CEP290: variants seen among roughly 807,000 people sequenced by gnomAD.
CEP290 encodes centrosomal protein of 290 kDa.
CEP290 carries 317 observed loss-of-function variants against 344.9 expected under a neutral mutation model. That is an observed-to-expected ratio of 0.92 (90% CI 0.84 to 1.01). The LOEUF (loss-of-function observed/expected upper bound fraction) is 1.01, where lower values mean the gene tolerates loss of function less well. CEP290 is among the 50% of genes least tolerant of loss of function. The pLI, the probability that CEP290 is intolerant of heterozygous loss-of-function variation, is 0.00. For missense variants in CEP290, 2,754 were observed against 2,761.4 expected, an observed-to-expected ratio of 1.00 and a Z score of 0.06; for synonymous variants, 932 against 895.8, an observed-to-expected ratio of 1.04 and a Z score of -0.72.
chr12:88,083,739 T>C (rs891182619), intron 36 of CEP290, 108 bp downstream of exon 36: 22 of 708,668 alleles, frequency 3.1e-5, no homozygotes, highest in Non-Finnish European at 4.9e-5. Flanking sequence ...GAAGATTATT[T>C]TGGCAACAAA....
At chr12:88,067,792 T>G (rs1051658388) in intron 44 of CEP290, among the ~76,000 whole-genome samples, 11 of 152,220 alleles carry the variant, frequency 7.2e-5, no homozygotes, top group Middle Eastern at 3.2e-3. Context: ...CTGATTTATT[T>G]AACTCAATAG....
intron 36 of CEP290, 94 bp downstream of exon 36, chr12:88,083,753 G>T: frequency 1.3e-6 from 1 of 789,738 alleles, no homozygotes; most frequent in East Asian, 2.7e-5. Context: ...CAACAAAAAG[G>T]GTAACTTCCA....
chr12:88,085,776 T>C (rs1592841631), intron 34 of CEP290, among the ~76,000 whole-genome samples: 1 of 152,132 alleles, frequency 6.6e-6, no homozygotes, highest in South Asian at 2.1e-4. Flanking sequence ...ATATTGCTCA[T>C]AGAACTACAA....
chr12:88,136,559 A>G, intron 6 of CEP290, 84 bp downstream of exon 6: 2 of 1,319,062 alleles, frequency 1.5e-6, no homozygotes, highest in South Asian at 2.5e-5. Flanking sequence ...AACATACAAT[A>G]TAAAAATTGA....
chr12:88,076,071 C>T (rs1408603166), intron 41 of CEP290, among the ~76,000 whole-genome samples: 2 of 152,108 alleles, frequency 1.3e-5, no homozygotes, highest in African/African-American at 4.8e-5. Flanking sequence ...TATAGAAACA[C>T]ACCAGTTAGG....
At chr12:88,065,634 T>C (rs1287013625) in intron 44 of CEP290, among the ~76,000 whole-genome samples, 2 of 152,190 alleles carry the variant, frequency 1.3e-5, no homozygotes, top group African/African-American at 4.8e-5. Flanking sequence ...GTTGTACCTA[T>C]TTGATTCAGC....
At chr12:88,064,474 C>T (rs1218146276) in intron 44 of CEP290, among the ~76,000 whole-genome samples, 3 of 152,080 alleles carry the variant, frequency 2.0e-5, no homozygotes, top group Non-Finnish European at 1.5e-5. Context: ...CTGTGTTCCC[C>T]TTACCCTCCA....
At chr12:88,119,576 A>G (rs561307099) in intron 15 of CEP290, among the ~76,000 whole-genome samples, 2 of 152,286 alleles carry the variant, frequency 1.3e-5, no homozygotes, top group African/African-American at 2.4e-5. Flanking sequence ...AGGCGGGTGG[A>G]TCACTTAAGG....
intron 34 of CEP290, 150 bp downstream of exon 34, chr12:88,085,889 T>G: frequency 1.5e-6 from 1 of 689,652 alleles, no homozygotes; most frequent in Non-Finnish European, 2.3e-6. Context: ...CATTATTGGC[T>G]ATTAGAAACA....
chr12:88,071,166 T>C, intron 43 of CEP290, 128 bp downstream of exon 43: 1 of 750,576 alleles, frequency 1.3e-6, no homozygotes, highest in Non-Finnish European at 2.2e-6. Context: ...GAACCAGGAA[T>C]ATCTCAATTC....
At chr12:88,130,595 A>T in intron 7 of CEP290, 30 bp from the exon 8 acceptor site, 1 of 1,537,666 alleles carries the variant, frequency 6.5e-7, no homozygotes, top group African/African-American at 1.4e-5. Context: ...AACGGTAATT[A>T]GAAATGAGAA....
At chr12:88,094,045 T>C (rs1048480667) in intron 27 of CEP290, 70 bp from the exon 28 acceptor site, 8 of 1,173,098 alleles carry the variant, frequency 6.8e-6, no homozygotes, top group Middle Eastern at 2.7e-4. Flanking sequence ...TTTTAGATGC[T>C]GTATATTAGA....
At chr12:88,109,478 A>G (rs1373264477) in intron 22 of CEP290, among the ~76,000 whole-genome samples, 1 of 152,208 alleles carries the variant, frequency 6.6e-6, no homozygotes, top group Admixed American at 6.5e-5. Context: ...ACCCTCTCTT[A>G]TGAACACATA....
intron 20 of CEP290, among the ~76,000 whole-genome samples, chr12:88,113,937 G>GA (rs1430013273): frequency 1.3e-5 from 2 of 151,984 alleles, no homozygotes; most frequent in African/African-American, 4.8e-5. Flanking sequence ...CAGATTTTGG[G>GA]AAAAAACCCC....
intron 17 of CEP290, among the ~76,000 whole-genome samples, chr12:88,118,063 T>TAATAAC (rs1332267485): frequency 6.6e-6 from 1 of 151,294 alleles, no homozygotes; most frequent in African/African-American, 2.4e-5. Context: ...ATAATAATAA[T>TAATAAC]AATAACTTAC....
chr12:88,063,880 A>C, intron 45 of CEP290, 101 bp downstream of exon 45: 1 of 927,044 alleles, frequency 1.1e-6, no homozygotes, highest in Non-Finnish European at 1.6e-6. Context: ...TATATTAGGA[A>C]TATGCATTTT....
intron 48 of CEP290, among the ~76,000 whole-genome samples, chr12:88,059,444 G>A (rs541974614): frequency 7.2e-5 from 11 of 152,248 alleles, no homozygotes; most frequent in Non-Finnish European, 1.5e-4. Context: ...GTCTCGCTCT[G>A]TTGCCCAGGC....
intron 28 of CEP290, among the ~76,000 whole-genome samples, 190 bp from the exon 29 acceptor site, chr12:88,093,022 C>T (rs1360227230): frequency 1.3e-5 from 2 of 152,082 alleles, no homozygotes; most frequent in Non-Finnish European, 2.9e-5. Flanking sequence ...ACTATGGAAA[C>T]TCTGGTTATA....
rs548558619 is a variant in CEP290, at chr12:88,087,910, C to T, written c.4064G>A (p.Arg1355His). 40 of 1,205,352 alleles carry T rather than the reference C, an allele frequency of 3.3e-5. No individual in the cohort carries two copies. The highest frequency in any genetic ancestry group is 2.1e-4 in the Middle Eastern group (1 of 4,762). 74.7% of individuals were successfully genotyped at this position (1,205,352 alleles called of 1,614,324 possible). The stretch of plus-strand genomic sequence containing the variant: ...CCGATTTAGTTTAAGTTCTTGAAGA[C>T]GAAGTTCTTCTATTTTCATATGCCA... ...INWHMKIEEL[R>H]LQELKLNREL... Residue 1355 changes from arginine (R) to histidine (H), a missense_variant, in exon 32 of 54, where the codon CGT (arginine) becomes CAT (histidine). Coordinates refer to ENST00000552810, the MANE Select transcript of CEP290 (RefSeq NM_025114.4).
Sources: gnomAD v4.1 joint callset for allele counts (sites outside exome capture counted in the v4.1 genomes callset) on GRCh38, gnomAD v4.1.1 for gene constraint, MANE v1.5 for transcripts, NCBI Gene and HGNC (gene_info 2026-07-23, HGNC 2026-07-21) for gene names.